The following OPTN variants were observed in gnomAD, a reference collection of about 807,000 sequenced individuals.
OPTN encodes the protein optineurin.
Under a neutral mutation model 70.4 loss-of-function variants are expected in OPTN, and 54 were observed. That is an observed-to-expected ratio of 0.77 (90% CI 0.62 to 0.96). The LOEUF (loss-of-function observed/expected upper bound fraction) is 0.96, where lower values mean the gene tolerates loss of function less well. OPTN is among the 40% of genes least tolerant of loss of function. The probability of loss-of-function intolerance (pLI) is 0.00; values close to 1 mark genes in which losing one functional copy is unlikely to be tolerated. For synonymous variants in OPTN, 256 were observed against 248.5 expected (o/e 1.03, Z -0.28); for missense variants, 624 against 673.2 (o/e 0.93, Z 0.81).
intron 1 of OPTN, among the ~76,000 whole-genome samples, 192 bp downstream of exon 1, chr10:13,100,494 G>C (rs1272648294): frequency 2.6e-5 from 4 of 152,240 alleles, no homozygotes; most frequent in Non-Finnish European, 5.9e-5. Flanking sequence ...AGCCTCGGCG[G>C]GTCCTGACCT....
chr10:13,113,478 T>C (rs1032355711), intron 5 of OPTN, among the ~76,000 whole-genome samples: 1 of 152,190 alleles, frequency 6.6e-6, no homozygotes, highest in African/African-American at 2.4e-5. Context: ...CTCAGGAGCC[T>C]CTGAGAACTG....
At chr10:13,114,189 G>T (rs182231095) in intron 5 of OPTN, among the ~76,000 whole-genome samples, 1 of 152,138 alleles carries the variant, frequency 6.6e-6, no homozygotes, top group Admixed American at 6.6e-5. Flanking sequence ...GGTTATATCT[G>T]AAATATGAAT....
chr10:13,119,052 GT>G lies in OPTN; in HGVS notation c.779+14del, dbSNP rs1408906636. 1.9e-6 allele frequency: 3 copies of G among 1,612,816 alleles called. No individual in the cohort carries two copies. The African/African-American group carries it at 4.0e-5, about 22-fold the overall frequency. On this transcript the variant is annotated intron_variant, in intron 7 of 14. Transcript: ENST00000378747. ...GAGGCCAAAGAAAGGTATGAAATAG[GT>G]TAACTTGAAATATGTGTTTTTTTAA...
chr10:13,112,061 G>A (rs1056402590), intron 4 of OPTN, among the ~76,000 whole-genome samples: 3 of 151,382 alleles, frequency 2.0e-5, no homozygotes, highest in African/African-American at 4.8e-5. Context: ...TGTTAGCCAG[G>A]ATGGTCTCCA....
At chr10:13,126,170 T>C (rs1398829158) in intron 11 of OPTN, 131 bp downstream of exon 11, 2 of 675,594 alleles carry the variant, frequency 3.0e-6, no homozygotes, top group African/African-American at 3.6e-5. Flanking sequence ...TGTATCATTA[T>C]TTCTTGCATC....
chr10:13,102,099 A>G (rs899281263), intron 1 of OPTN, among the ~76,000 whole-genome samples: 9 of 152,194 alleles, frequency 5.9e-5, no homozygotes, highest in African/African-American at 1.9e-4. Context: ...ATGACACAGG[A>G]CATCATATTT....
At chr10:13,114,899 ATCTGTATTTTT>A in intron 5 of OPTN, among the ~76,000 whole-genome samples, 1 of 102,292 alleles carries the variant, frequency 9.8e-6, no homozygotes, top group Non-Finnish European at 1.8e-5. Context: ...TTACATATGT[ATCTGTATTTTT>A]TATAATAGAT....
chr10:13,115,091 A>AC (rs1833131228), intron 5 of OPTN, among the ~76,000 whole-genome samples: 1 of 32,926 alleles, frequency 3.0e-5, no homozygotes, highest in African/African-American at 9.8e-5. Flanking sequence ...AGATATATCT[A>AC]TTTTATATAT....
chr10:13,132,329 C>CA, intron 13 of OPTN, 132 bp downstream of exon 13: 1 of 805,298 alleles, frequency 1.2e-6, no homozygotes, highest in Non-Finnish European at 2.0e-6. Context: ...GCCTAGGTGA[C>CA]AGAGCGAGTC....
rs1010292847 is a variant in OPTN at position 13,123,613 on chromosome 10, G to C, written c.883-382G>C. On this transcript the variant is annotated intron_variant, in intron 8 of 14. Transcript: ENST00000378747. ...ACAACAAAAATAGTTGAGTAAACTA[G>C]AAACATACACTGGGAAGAGAGTATG... 2.0e-5 allele frequency among the ~76,000 whole-genome samples: 3 copies of C among 152,304 alleles called. No individual in the cohort carries two copies. The South Asian group carries it at 6.2e-4, about 32-fold the overall frequency.
chr10:13,101,212 C>G (rs1487428086), intron 1 of OPTN, among the ~76,000 whole-genome samples: 1 of 152,186 alleles, frequency 6.6e-6, no homozygotes, highest in Non-Finnish European at 1.5e-5. Flanking sequence ...TTAAATGTGA[C>G]CTGTAGACAG....
At chr10:13,131,972 T>G in intron 12 of OPTN, 95 bp from the exon 13 acceptor site, 1 of 1,259,308 alleles carries the variant, frequency 7.9e-7, no homozygotes, top group Non-Finnish European at 1.1e-6. Context: ...ACAAGGGCTA[T>G]TGAAGGATAC....
At chr10:13,131,960 T>G in intron 12 of OPTN, 107 bp from the exon 13 acceptor site, 3 of 1,099,756 alleles carry the variant, frequency 2.7e-6, no homozygotes, top group Non-Finnish European at 4.1e-6. Flanking sequence ...CATCTGTGAT[T>G]CACAAGGGCT....
chr10:13,107,179 G>A (rs533041620), intron 1 of OPTN, among the ~76,000 whole-genome samples: 19 of 151,776 alleles, frequency 1.3e-4, no homozygotes, highest in African/African-American at 4.1e-4. Context: ...GTTCGAGACC[G>A]GCCTGGCTAA....
chr10:13,109,492 G>A (rs2131481748), intron 3 of OPTN: 1 of 577,134 alleles, frequency 1.7e-6, no homozygotes, highest in East Asian at 2.9e-5. Flanking sequence ...AAAACTGTGT[G>A]TATCTCAAGG....
At chr10:13,111,557 G>A (rs1832998074) in intron 4 of OPTN, among the ~76,000 whole-genome samples, 1 of 151,934 alleles carries the variant, frequency 6.6e-6, no homozygotes, top group Non-Finnish European at 1.5e-5. Context: ...AATTAGCCAG[G>A]CATGGTAGTG....
chr10:13,102,589 AG>A (rs1832773827), intron 1 of OPTN, among the ~76,000 whole-genome samples: 1 of 152,228 alleles, frequency 6.6e-6, no homozygotes, highest in African/African-American at 2.4e-5. Flanking sequence ...GCTGTGGTAC[AG>A]ACAAGATAAG....
chr10:13,131,702 C>T (rs955983086), intron 12 of OPTN: 8 of 195,812 alleles, frequency 4.1e-5, no homozygotes, highest in Non-Finnish European at 7.5e-5. Context: ...TTCATAAATA[C>T]ACCTGGCAGA....
chr10:13,111,861 T>G (rs1833008941), intron 4 of OPTN, among the ~76,000 whole-genome samples: 1 of 144,790 alleles, frequency 6.9e-6, no homozygotes, highest in South Asian at 2.3e-4. Context: ...TTTTTTTTTT[T>G]TTTTGAGATG....
Sources: allele counts gnomAD v4.1 joint callset (sites outside exome capture counted in the v4.1 genomes callset), GRCh38; gene constraint gnomAD v4.1.1; transcripts MANE v1.5; gene names NCBI Gene and HGNC (gene_info 2026-07-23, HGNC 2026-07-21).